Variants in LRRC28 observed in about 807,000 individuals in gnomAD.
LRRC28 encodes the protein leucine rich repeat containing 28.
LRRC28 carries 39 observed loss-of-function variants against 45.7 expected under a neutral mutation model. The ratio of observed to expected loss-of-function variants is 0.85; its 90% CI spans 0.66 to 1.12. LRRC28 has a LOEUF of 1.12. LRRC28 is among the 50% of genes most tolerant of loss of function. LRRC28 has a pLI of 0.00. For missense variants in LRRC28, 435 were observed against 438.5 expected, an observed-to-expected ratio of 0.99 and a Z score of 0.07; for synonymous variants, 206 against 178.8, an observed-to-expected ratio of 1.15 and a Z score of -1.22.
At chr15:99,279,502 A>G (rs1458232808) in intron 3 of LRRC28, among the ~76,000 whole-genome samples, 2 of 152,228 alleles carry the variant, frequency 1.3e-5, no homozygotes, top group Admixed American at 6.5e-5. Flanking sequence ...TGGGTCTTCC[A>G]GGGAACCTTG....
At chr15:99,311,516 G>A (rs374102083) in intron 5 of LRRC28, among the ~76,000 whole-genome samples, 1 of 152,064 alleles carries the variant, frequency 6.6e-6, no homozygotes, top group Admixed American at 6.6e-5. Flanking sequence ...TTGTGGTCAG[G>A]CTATATTCTT....
chr15:99,352,920 C>T (rs1259951577), intron 7 of LRRC28, among the ~76,000 whole-genome samples: 1 of 152,254 alleles, frequency 6.6e-6, no homozygotes, highest in South Asian at 2.1e-4. Flanking sequence ...CAGTGACAGT[C>T]CTAGTGTCTA....
At chr15:99,361,558 A>G in intron 8 of LRRC28, 47 bp downstream of exon 8, 5 of 1,517,578 alleles carry the variant, frequency 3.3e-6, no homozygotes, top group Middle Eastern at 1.8e-4. Context: ...CATTTAGTGA[A>G]CATTGTGCTT....
chr15:99,296,983 AGCTT>A (rs1356894908), intron 5 of LRRC28, among the ~76,000 whole-genome samples: 1 of 152,126 alleles, frequency 6.6e-6, no homozygotes, highest in Non-Finnish European at 1.5e-5. Context: ...AATCTGCCTC[AGCTT>A]GCTAGATGAC....
intron 1 of LRRC28, among the ~76,000 whole-genome samples, chr15:99,254,899 T>G (rs1000669033): frequency 1.3e-5 from 2 of 152,232 alleles, no homozygotes; most frequent in Non-Finnish European, 2.9e-5. Flanking sequence ...ATCTCCATTC[T>G]GCATATTAGG....
At chr15:99,286,351 C>T (rs1279396114) in intron 3 of LRRC28, among the ~76,000 whole-genome samples, 1 of 152,114 alleles carries the variant, frequency 6.6e-6, no homozygotes, top group African/African-American at 2.4e-5. Context: ...AGGCTGGTCG[C>T]GAACTCCTGA....
At chr15:99,311,907 G>A (rs1023893781) in intron 5 of LRRC28, among the ~76,000 whole-genome samples, 2 of 152,194 alleles carry the variant, frequency 1.3e-5, no homozygotes, top group Admixed American at 1.3e-4. Flanking sequence ...TCGTAACAGT[G>A]AGGAAAGTGG....
chr15:99,318,262 A>G (rs1955667678), intron 5 of LRRC28, among the ~76,000 whole-genome samples: 1 of 151,786 alleles, frequency 6.6e-6, no homozygotes, highest in African/African-American at 2.4e-5. Context: ...CCAGAATATC[A>G]TTAGGAAACT....
intron 9 of LRRC28, among the ~76,000 whole-genome samples, chr15:99,378,728 T>C (rs550570147): frequency 1.7e-4 from 26 of 152,322 alleles, no homozygotes; most frequent in African/African-American, 6.0e-4. Flanking sequence ...ATACCTAATT[T>C]ATTTAGAGTT....
chr15:99,255,877 A>G (rs2081002339), intron 1 of LRRC28, 21 bp from the exon 2 acceptor site: 1 of 1,449,630 alleles, frequency 6.9e-7, no homozygotes, highest in Non-Finnish European at 9.2e-7. Context: ...CAATGAATAA[A>G]TTTTCTCGTT....
intron 6 of LRRC28, among the ~76,000 whole-genome samples, chr15:99,341,667 A>G (rs1311455269): frequency 6.6e-6 from 1 of 152,206 alleles, no homozygotes; most frequent in Non-Finnish European, 1.5e-5. Context: ...GTTCTCCCAA[A>G]TATCAATTAA....
chr15:99,332,901 C>T (rs1479578676), intron 5 of LRRC28, among the ~76,000 whole-genome samples: 1 of 151,758 alleles, frequency 6.6e-6, no homozygotes, highest in Non-Finnish European at 1.5e-5. Context: ...AGGAATGACT[C>T]GGGAACAGGG....
intron 5 of LRRC28, among the ~76,000 whole-genome samples, chr15:99,321,329 A>G (rs572387958): frequency 1.3e-5 from 2 of 152,320 alleles, no homozygotes; most frequent in East Asian, 3.9e-4. Context: ...ATGTTATTGT[A>G]TAGTCTAAGT....
chr15:99,381,148 C>A (rs1259479360), intron 9 of LRRC28, among the ~76,000 whole-genome samples: 1 of 152,142 alleles, frequency 6.6e-6, no homozygotes, highest in East Asian at 1.9e-4. Flanking sequence ...GTTCCATTCT[C>A]CCCATCACTT....
intron 6 of LRRC28, among the ~76,000 whole-genome samples, chr15:99,346,618 A>G (rs962497654): frequency 3.2e-4 from 48 of 152,296 alleles, no homozygotes; most frequent in African/African-American, 9.9e-4. Flanking sequence ...TTAGGGCATT[A>G]AAGTACTTGA....
chr15:99,360,733 C>T (rs986060814), intron 7 of LRRC28, among the ~76,000 whole-genome samples: 7 of 152,190 alleles, frequency 4.6e-5, no homozygotes, highest in East Asian at 1.9e-4. Context: ...TTGTGAGTTT[C>T]GGTAACACTG....
intron 9 of LRRC28, among the ~76,000 whole-genome samples, chr15:99,382,647 A>T (rs1957863357): frequency 6.6e-6 from 1 of 152,120 alleles, no homozygotes; most frequent in African/African-American, 2.4e-5. Flanking sequence ...TTTTATGCCC[A>T]GATTTTGTAA....
chr15:99,296,886 A>G (rs1478335446), intron 5 of LRRC28, among the ~76,000 whole-genome samples: 1 of 152,188 alleles, frequency 6.6e-6, no homozygotes, highest in East Asian at 1.9e-4. Flanking sequence ...TGAGTGTGTT[A>G]TTGTAGCTAG....
At chr15:99,308,534 T>A (rs1955276359) in intron 5 of LRRC28, among the ~76,000 whole-genome samples, 1 of 152,014 alleles carries the variant, frequency 6.6e-6, no homozygotes, top group African/African-American at 2.4e-5. Context: ...TAGTTAGGCG[T>A]GGTGGCACGT....
Sources: allele counts gnomAD v4.1 joint callset (sites outside exome capture counted in the v4.1 genomes callset), GRCh38; gene constraint gnomAD v4.1.1; transcripts MANE v1.5; gene names NCBI Gene and HGNC (gene_info 2026-07-23, HGNC 2026-07-21).